The following NEBL variants were observed in gnomAD, a reference collection of about 807,000 sequenced individuals.
NEBL encodes nebulette.
Under a neutral mutation model 140.2 loss-of-function variants are expected in NEBL, and 122 were observed. The observed-to-expected ratio is 0.87, with a 90% confidence interval of 0.75 to 1.01. The LOEUF is 1.01. Ranked by LOEUF, NEBL falls within the 50% of genes least tolerant of loss-of-function variation. The probability of loss-of-function intolerance (pLI) is 0.00; values close to 1 mark genes in which losing one functional copy is unlikely to be tolerated. For synonymous variants in NEBL, 436 were observed against 398.9 expected (o/e 1.09, Z -1.11); for missense variants, 1,365 against 1,231.3 (o/e 1.11, Z -1.62).
chr10:20,808,645 A>G lies in NEBL; in HGVS notation c.2626T>C (p.Tyr876His). 1 of 1,613,294 alleles carries G rather than the reference A, an allele frequency of 6.2e-7. No homozygotes were observed. Residue 876 changes from tyrosine (Y) to histidine (H), a missense_variant, in exon 26 of 28, where the codon TAT becomes CAT. Around this residue, in one of 2 missense-constraint regions of NEBL, gnomAD observed 1,323 missense variants for 1,154.8 expected, o/e 1.15. Coordinates refer to ENST00000377122, the MANE Select transcript of NEBL (RefSeq NM_006393.3). Reference protein sequence around the residue: ...LHMLSEKASHYRRHWSRSHSS... With the variant: ...LHMLSEKASHHRRHWSRSHSS... ...TGGGATCGAGACCAGTGTCGCCTAT[A>G]GTGACTCGCCTTTTCTATATTGGAG...
At chr10:20,910,722 A>C (rs1848291983) in intron 4 of NEBL, among the ~76,000 whole-genome samples, 1 of 152,190 alleles carries the variant, frequency 6.6e-6, no homozygotes, top group Non-Finnish European at 1.5e-5. Flanking sequence ...AAATTTATCT[A>C]CCTATCTACT....
intron 3 of NEBL, among the ~76,000 whole-genome samples, chr10:20,995,864 T>C (rs1013075197): frequency 6.6e-6 from 1 of 152,092 alleles, no homozygotes; most frequent in African/African-American, 2.4e-5. Context: ...TGAGCAGCAA[T>C]TCTTACTGCT....
intron 2 of NEBL, among the ~76,000 whole-genome samples, chr10:21,065,726 A>G (rs897653752): frequency 6.6e-6 from 1 of 152,168 alleles, no homozygotes; most frequent in African/African-American, 2.4e-5. Flanking sequence ...ATTAGTCTTT[A>G]ATCCTGCAGC....
chr10:20,855,079 T>A (rs975547336), intron 9 of NEBL, among the ~76,000 whole-genome samples: 1 of 151,734 alleles, frequency 6.6e-6, no homozygotes, highest in African/African-American at 2.4e-5. Context: ...CGAAATTAGC[T>A]GGGAGTGGTG....
chr10:21,256,339 A>G (rs1842660022), intron 1 of NEBL, among the ~76,000 whole-genome samples: 1 of 152,094 alleles, frequency 6.6e-6, no homozygotes, highest in Admixed American at 6.6e-5. Context: ...AAATGCTGAG[A>G]TTACAGGCGT....
chr10:21,036,163 G>GA (rs200252670), intron 2 of NEBL, among the ~76,000 whole-genome samples: 2,419 of 151,708 alleles, frequency 0.016, 67 homozygotes, highest in East Asian at 0.1. Context: ...AGTCTCAAAA[G>GA]AAAAAAGAAA....
intron 1 of NEBL, among the ~76,000 whole-genome samples, chr10:21,257,788 G>A (rs1334950713): frequency 1.3e-5 from 2 of 152,120 alleles, no homozygotes; most frequent in Non-Finnish European, 2.9e-5. Flanking sequence ...GGGAGGCTGA[G>A]GCAGGAGAAT....
chr10:21,288,564 C>G (rs1398316165), intron 1 of NEBL, among the ~76,000 whole-genome samples: 2 of 151,268 alleles, frequency 1.3e-5, no homozygotes, highest in African/African-American at 4.9e-5. Flanking sequence ...AGTTCAGGAC[C>G]AGCCTGGCCA....
Position 20,896,967 on chromosome 10 carries a change from G to C in NEBL, c.144C>G (p.Leu48=), listed in dbSNP as rs1847556443. The C allele has an allele frequency of 6.2e-7, 1 of 1,613,564 alleles. No homozygotes were observed. Among genetic ancestry groups the C allele is most frequent in the African/African-American group, 1.3e-5 (1 of 74,856 alleles). ...SMELARKCTE[L]ISDIRYKEEF... The stretch of plus-strand genomic sequence containing the variant: ...TACTCCAGCCACTTACATCGCTAAT[G>C]AGTTCCGTGCATTTTCTGGCCAATT... Residue 48 remains leucine, a synonymous_variant, in exon 2 of 28, where the codon CTC becomes CTG. Coordinates refer to ENST00000377122, the MANE Select transcript of NEBL (RefSeq NM_006393.3).
At chr10:20,938,966 T>G (rs1347973820) in intron 4 of NEBL, among the ~76,000 whole-genome samples, 1 of 152,152 alleles carries the variant, frequency 6.6e-6, no homozygotes, top group African/African-American at 2.4e-5. Context: ...GTCTGCTTGG[T>G]GTACCTGAAA....
intron 3 of NEBL, among the ~76,000 whole-genome samples, chr10:20,988,552 A>G (rs1163976535): frequency 1.3e-5 from 2 of 152,058 alleles, no homozygotes; most frequent in African/African-American, 4.8e-5. Flanking sequence ...TTGCCTAGCC[A>G]AGGACTTTGC....
chr10:21,019,975 G>A (rs555787796), intron 3 of NEBL: 166 of 755,244 alleles, frequency 2.2e-4, no homozygotes, highest in South Asian at 1.7e-3. Flanking sequence ...ACTTTCACCC[G>A]GAATTCCCAC....
intron 4 of NEBL, among the ~76,000 whole-genome samples, chr10:20,926,999 G>C (rs1448784012): frequency 1.3e-5 from 2 of 152,170 alleles, no homozygotes; most frequent in Non-Finnish European, 2.9e-5. Context: ...CAACTGAATG[G>C]AGAAGGTCTG....
chr10:20,982,904 C>T (rs577750124), intron 3 of NEBL, among the ~76,000 whole-genome samples: 2 of 152,218 alleles, frequency 1.3e-5, no homozygotes, highest in Admixed American at 6.5e-5. Flanking sequence ...TGACAATAAA[C>T]TTAGTATTTA....
At chr10:20,881,033 T>C (rs1192452790) in intron 4 of NEBL, 129 bp from the exon 5 acceptor site, 2 of 733,346 alleles carry the variant, frequency 2.7e-6, no homozygotes, top group Admixed American at 2.0e-5. Flanking sequence ...TAAATCTCTG[T>C]AACAAGACAA....
At chr10:21,226,539 A>C (rs928952331) in intron 3 of NEBL, among the ~76,000 whole-genome samples, 1 of 152,212 alleles carries the variant, frequency 6.6e-6, no homozygotes, top group African/African-American at 2.4e-5. Context: ...GAGGCTTGCC[A>C]GAACTCAAGT....
chr10:21,164,634 A>G (rs1271157650), intron 2 of NEBL, among the ~76,000 whole-genome samples: 1 of 152,196 alleles, frequency 6.6e-6, no homozygotes. Flanking sequence ...CCTTTCAGAA[A>G]CATTGCAAAT....
At chr10:20,855,261 G>T (rs1842949586) in intron 9 of NEBL, among the ~76,000 whole-genome samples, 1 of 149,356 alleles carries the variant, frequency 6.7e-6, no homozygotes, top group South Asian at 2.1e-4. Flanking sequence ...TTTTTAACCA[G>T]TTAAAATCTG....
chr10:21,267,431 T>C (rs1457412222), intron 1 of NEBL, among the ~76,000 whole-genome samples: 3 of 152,254 alleles, frequency 2.0e-5, no homozygotes, highest in Non-Finnish European at 4.4e-5. Context: ...CTGATGTGTC[T>C]TATTTGGATA....
Sources: gnomAD v4.1 joint callset for allele counts (sites outside exome capture counted in the v4.1 genomes callset) on GRCh38, gnomAD v4.1.1 for gene constraint, gnomAD v4.1.1 regional missense constraint, MANE v1.5 for transcripts, NCBI Gene and HGNC (gene_info 2026-07-23, HGNC 2026-07-21) for gene names.